Variants in FILIP1L observed in about 807,000 individuals in gnomAD.
The protein encoded by FILIP1L is filamin A interacting protein 1 like, also known as filamin A-interacting protein 1-like.
In FILIP1L, 55 loss-of-function variants were observed where a neutral mutation model predicts 96.6. That is an observed-to-expected ratio of 0.57 (90% confidence interval 0.46 to 0.71). FILIP1L has a LOEUF of 0.71. Among genes scored for constraint, FILIP1L ranks in the 30% least tolerant of loss-of-function variants. The pLI is 0.00. For missense variants in FILIP1L, 1,304 were observed against 1,321.2 expected (o/e 0.99, Z 0.20); for synonymous variants, 467 against 473.9 (o/e 0.99, Z 0.19).
At chr3:100,113,060 T>C (rs1198639933) in intron 1 of FILIP1L, among the ~76,000 whole-genome samples, 6 of 152,220 alleles carry the variant, frequency 3.9e-5, no homozygotes, top group Non-Finnish European at 8.8e-5. Flanking sequence ...ACGTGGAATA[T>C]GGTAGTGTAG....
intron 1 of FILIP1L, among the ~76,000 whole-genome samples, chr3:99,970,490 G>A (rs190657612): frequency 6.6e-6 from 1 of 152,190 alleles, no homozygotes; most frequent in Non-Finnish European, 1.5e-5. Flanking sequence ...ATTTGTGTTC[G>A]CTTTCACTCC....
chr3:100,042,803 C>T (rs2065226275), intron 1 of FILIP1L, among the ~76,000 whole-genome samples: 1 of 152,124 alleles, frequency 6.6e-6, no homozygotes, highest in Admixed American at 6.5e-5. Flanking sequence ...TTTTAAAGTT[C>T]CTAACAATCG....
chr3:100,107,593 T>C (rs966558617), intron 1 of FILIP1L, among the ~76,000 whole-genome samples: 1 of 152,170 alleles, frequency 6.6e-6, no homozygotes, highest in Admixed American at 6.6e-5. Context: ...ATAAATGCTG[T>C]CTTTTTAAAT....
chr3:100,072,108 C>T (rs1401176371), intron 1 of FILIP1L, among the ~76,000 whole-genome samples: 4 of 152,148 alleles, frequency 2.6e-5, no homozygotes, highest in Admixed American at 6.5e-5. Context: ...GACTCATCAC[C>T]CACTTGAGCG....
intron 5 of FILIP1L, among the ~76,000 whole-genome samples, chr3:99,833,946 A>G (rs1942791475): frequency 6.6e-6 from 1 of 152,244 alleles, no homozygotes; most frequent in South Asian, 2.1e-4. Flanking sequence ...AGCAATGATG[A>G]TGGATATGGT....
chr3:99,965,642 A>C (rs901361928), intron 1 of FILIP1L, among the ~76,000 whole-genome samples: 2 of 152,184 alleles, frequency 1.3e-5, no homozygotes, highest in African/African-American at 4.8e-5. Context: ...GAATCCAGGA[A>C]TGGCCAACTC....
intron 1 of FILIP1L, among the ~76,000 whole-genome samples, chr3:99,983,393 T>G (rs868687922): frequency 2.3e-5 from 2 of 87,058 alleles, no homozygotes; most frequent in African/African-American, 1.1e-4. Context: ...TAAATAAATA[T>G]ATATATATAT....
intron 1 of FILIP1L, among the ~76,000 whole-genome samples, chr3:100,021,481 G>C: frequency 6.6e-6 from 1 of 152,262 alleles, no homozygotes; most frequent in Middle Eastern, 3.4e-3. Context: ...TCCTTGTAGA[G>C]AAAATTCCTG....
At chr3:100,072,385 C>G (rs771885205) in intron 1 of FILIP1L, among the ~76,000 whole-genome samples, 1 of 152,212 alleles carries the variant, frequency 6.6e-6, no homozygotes, top group Non-Finnish European at 1.5e-5. Flanking sequence ...CTCCTTGATT[C>G]AGGCTTGGAG....
chr3:100,025,529 G>A (rs992076196), intron 1 of FILIP1L: 3 of 152,102 alleles, frequency 2.0e-5, no homozygotes, highest in East Asian at 1.9e-4. Flanking sequence ...ACGAAGGAAC[G>A]GGGAAAGATG....
intron 1 of FILIP1L, among the ~76,000 whole-genome samples, chr3:100,026,324 A>C (rs2064920541): frequency 1.3e-5 from 2 of 152,136 alleles, no homozygotes; most frequent in African/African-American, 2.4e-5. Flanking sequence ...TCCTAAACTC[A>C]AGCTGTCTGC....
Position 99,977,377 on chromosome 3 carries a change from C to A in FILIP1L, c.-10-46347G>T, listed in dbSNP as rs563108966. 7.2e-5 allele frequency among the ~76,000 whole-genome samples: 11 copies of A among 152,140 alleles called. No homozygotes were observed. The South Asian group carries it at 1.7e-3, about 23-fold the overall frequency. On this transcript the variant is annotated intron_variant, in intron 1 of 5. Transcript: ENST00000477258. ...GGACAAATTAGGAGAATAGAGAGAT[C>A]TGAAGCAGGGAAACAAAGTAAGAGT...
intron 1 of FILIP1L, among the ~76,000 whole-genome samples, chr3:99,965,137 A>C (rs1708611535): frequency 6.6e-6 from 1 of 152,240 alleles, no homozygotes; most frequent in Non-Finnish European, 1.5e-5. Context: ...TTTCTGAAGC[A>C]ATGTTAATCC....
intron 1 of FILIP1L, among the ~76,000 whole-genome samples, chr3:100,076,231 GT>G (rs1449460959): frequency 2.6e-5 from 4 of 152,274 alleles, no homozygotes; most frequent in Non-Finnish European, 1.5e-5. Flanking sequence ...AGGCTTGTCT[GT>G]TTCATTCCTT....
intron 5 of FILIP1L, among the ~76,000 whole-genome samples, chr3:99,831,683 A>G (rs1273552955): frequency 6.6e-6 from 1 of 152,206 alleles, no homozygotes; most frequent in African/African-American, 2.4e-5. Context: ...TGGGTCTCCA[A>G]TTTAGTGTTC....
intron 1 of FILIP1L, 69 bp downstream of exon 1, chr3:100,113,984 C>T (rs2066532141): frequency 6.6e-6 from 1 of 152,194 alleles, no homozygotes; most frequent in Non-Finnish European, 1.5e-5. Flanking sequence ...GTTGGCCGCT[C>T]CTAGCTGGTG....
chr3:100,022,965 A>G (rs1559729116), intron 1 of FILIP1L, among the ~76,000 whole-genome samples: 1 of 152,162 alleles, frequency 6.6e-6, no homozygotes, highest in Non-Finnish European at 1.5e-5. Flanking sequence ...AGGCCATGCA[A>G]TCTCTTGCTT....
At chr3:100,012,974 T>C in intron 1 of FILIP1L, among the ~76,000 whole-genome samples, 1 of 151,928 alleles carries the variant, frequency 6.6e-6, no homozygotes, top group South Asian at 2.1e-4. Context: ...TTTATTTATT[T>C]ATTTGGAGAG....
rs2065451680 is a variant in FILIP1L at position 100,055,616 on chromosome 3, G to T, written c.-11+58437C>A. On this transcript the variant is annotated intron_variant, in intron 1 of 5. Coordinates refer to ENST00000477258, the MANE Select transcript of FILIP1L (RefSeq NM_001387850.1). ...AAATTACCCATTGCTATACCACCTA[G>T]ATTAAAAACCACAGCCAGCATTTTG... Among the ~76,000 whole-genome samples the T allele has an allele frequency of 2.0e-5, 3 of 152,070 alleles. No individual in the cohort carries two copies. In the South Asian group the frequency reaches 6.2e-4, roughly 32 times the overall value.
Sources: gnomAD v4.1 joint callset for allele counts (sites outside exome capture counted in the v4.1 genomes callset) on GRCh38, gnomAD v4.1.1 for gene constraint, MANE v1.5 for transcripts, NCBI Gene and HGNC (gene_info 2026-07-23, HGNC 2026-07-21) for gene names.